Variants in STK24 observed in about 807,000 individuals in gnomAD.
STK24 encodes the protein serine/threonine-protein kinase 24.
In STK24, 21 loss-of-function variants were observed where a neutral mutation model predicts 55.6. The observed-to-expected ratio is 0.38, with a 90% CI of 0.27 to 0.54. The LOEUF is 0.54. Ranked by LOEUF, STK24 falls within the 20% of genes least tolerant of loss-of-function variation. The pLI, the probability that STK24 is intolerant of heterozygous loss-of-function variation, is 0.79. For synonymous variants in STK24, 200 were observed against 215.2 expected, an observed-to-expected ratio of 0.93 and a Z score of 0.62; for missense variants, 383 against 538.4, an observed-to-expected ratio of 0.71 and a Z score of 2.86.
rs1163065270 is a variant in STK24 at position 98,448,752 on chromosome 13, T to C, written c.*4421A>G. 1 of 154,358 alleles carries C rather than the reference T, an allele frequency of 6.5e-6. No individual in the cohort carries two copies. The highest frequency in any genetic ancestry group is 1.4e-5 in the Non-Finnish European group (1 of 71,214). The allele number at this position is 154,358 out of a possible 1,614,324, so 9.6% of individuals were successfully genotyped here. ...GGACTTCCCGGTGTTTGTTTGTTTG[T>C]TTGCAATACACTCAGTGCAGCCTTA... On this transcript the variant is annotated 3_prime_UTR_variant, in exon 11 of 11. Transcript: ENST00000539966.
intron 1 of STK24, among the ~76,000 whole-genome samples, chr13:98,569,799 A>C (rs1897690659): frequency 6.6e-6 from 1 of 151,556 alleles, no homozygotes; most frequent in Non-Finnish European, 1.5e-5. Context: ...AGCGGAAGAG[A>C]AGTAAATCCT....
chr13:98,555,784 C>T (rs1479307893), intron 1 of STK24, among the ~76,000 whole-genome samples: 2 of 148,802 alleles, frequency 1.3e-5, no homozygotes, highest in African/African-American at 2.5e-5. Flanking sequence ...GGGTTCACGC[C>T]ATTCTCCTGC....
chr13:98,482,372 AT>A lies in STK24; in HGVS notation c.274-52del, dbSNP rs371058047. 6,727 of 1,138,730 alleles carry A rather than the reference AT, an allele frequency of 5.9e-3. 280 individuals carry two copies. In the African/African-American group the frequency reaches 0.092, roughly 16 times the overall value. The allele number at this position is 1,138,730 out of a possible 1,614,324, so 70.5% of individuals were successfully genotyped here. On this transcript the variant is annotated intron_variant, in intron 2 of 10. Transcript: ENST00000539966. Reference sequence around the variant, plus strand: ...TCATTTTCAAAATGAATCCAGGAAAATTTTTTTTAATAATCAAAGGGTATTT... The same window carrying A: ...TCATTTTCAAAATGAATCCAGGAAAATTTTTTTAATAATCAAAGGGTATTT...
chr13:98,469,443 G>A (rs1353999083), intron 5 of STK24, among the ~76,000 whole-genome samples: 1 of 152,114 alleles, frequency 6.6e-6, no homozygotes, highest in South Asian at 2.1e-4. Context: ...CAGCTACTTG[G>A]GAGGCTGAGG....
chr13:98,478,494 C>G (rs1484677873), intron 3 of STK24, among the ~76,000 whole-genome samples: 1 of 152,196 alleles, frequency 6.6e-6, no homozygotes, highest in East Asian at 1.9e-4. Flanking sequence ...TGGCTGAAGA[C>G]CAAGGGAAGC....
chr13:98,546,838 TCA>T (rs1897039610), intron 1 of STK24, among the ~76,000 whole-genome samples: 1 of 152,200 alleles, frequency 6.6e-6, no homozygotes, highest in African/African-American at 2.4e-5. Context: ...CTCCAGTTAC[TCA>T]CACCTGAATC....
chr13:98,528,376 G>T (rs761759725), intron 1 of STK24, among the ~76,000 whole-genome samples: 20 of 152,084 alleles, frequency 1.3e-4, no homozygotes, highest in Non-Finnish European at 2.5e-4. Flanking sequence ...CACAAAACAT[G>T]GTCCCCTCAG....
intron 1 of STK24, among the ~76,000 whole-genome samples, chr13:98,544,069 G>C (rs1241612687): frequency 6.6e-6 from 1 of 152,170 alleles, no homozygotes; most frequent in East Asian, 1.9e-4. Context: ...GTGCATTTAC[G>C]TTAGGCTGCT....
At chr13:98,469,029 G>A (rs760978228) in intron 5 of STK24, among the ~76,000 whole-genome samples, 46 of 152,200 alleles carry the variant, frequency 3.0e-4, no homozygotes, top group Admixed American at 7.9e-4. Context: ...AGAGTACGTC[G>A]GTGATGCGCT....
At chr13:98,492,259 G>A (rs1159663167) in intron 2 of STK24, among the ~76,000 whole-genome samples, 1 of 152,096 alleles carries the variant, frequency 6.6e-6, no homozygotes, top group Non-Finnish European at 1.5e-5. Context: ...GGAGGAAGAG[G>A]AGGAGGAAGA....
At chr13:98,511,972 C>T (rs1182189216) in intron 2 of STK24, among the ~76,000 whole-genome samples, 1 of 149,524 alleles carries the variant, frequency 6.7e-6, no homozygotes, top group African/African-American at 2.5e-5. Context: ...GTGATCTCAG[C>T]CTCCCAGGTT....
chr13:98,535,398 T>TACACACAC (rs56768700), intron 1 of STK24, among the ~76,000 whole-genome samples: 10 of 142,728 alleles, frequency 7.0e-5, no homozygotes, highest in African/African-American at 1.9e-4. Context: ...TATGTGTGTA[T>TACACACAC]ACACACACAC....
intron 1 of STK24, among the ~76,000 whole-genome samples, chr13:98,545,733 A>G (rs1897013901): frequency 1.3e-5 from 2 of 152,124 alleles, no homozygotes; most frequent in South Asian, 4.1e-4. Context: ...CAAATCCATT[A>G]CCCTAAATCA....
intron 2 of STK24, among the ~76,000 whole-genome samples, chr13:98,487,734 G>C (rs1213093991): frequency 6.6e-6 from 1 of 152,034 alleles, no homozygotes; most frequent in East Asian, 1.9e-4. Context: ...ATGCCTTATT[G>C]AGCTCACATT....
At chr13:98,560,919 C>T (rs1324941931) in intron 1 of STK24, among the ~76,000 whole-genome samples, 1 of 148,938 alleles carries the variant, frequency 6.7e-6, no homozygotes, top group Admixed American at 6.7e-5. Flanking sequence ...AAAAAAAAAA[C>T]CATAATTCAG....
At chr13:98,550,950 T>TA (rs879333870) in intron 1 of STK24, among the ~76,000 whole-genome samples, 154 of 147,134 alleles carry the variant, frequency 1.0e-3, no homozygotes, top group African/African-American at 3.2e-3. Flanking sequence ...AAGTTCAACT[T>TA]AAAAAAAAAA....
chr13:98,534,657 C>G (rs1395903459), intron 1 of STK24, among the ~76,000 whole-genome samples: 1 of 152,198 alleles, frequency 6.6e-6, no homozygotes, highest in African/African-American at 2.4e-5. Flanking sequence ...ACCCAGTGTT[C>G]TGATGCACCA....
At chr13:98,469,535 C>T (rs964123079) in intron 5 of STK24, among the ~76,000 whole-genome samples, 2 of 86,336 alleles carry the variant, frequency 2.3e-5, no homozygotes, top group Non-Finnish European at 5.0e-5. Context: ...GACCCTGCAT[C>T]CCCCCCCCCA....
intron 8 of STK24, 101 bp from the exon 9 acceptor site, chr13:98,460,541 C>T: frequency 2.1e-6 from 2 of 931,756 alleles, no homozygotes; most frequent in Non-Finnish European, 3.4e-6. Context: ...GCAGGAGTTG[C>T]CTCTACACTT....
Sources: allele counts gnomAD v4.1 joint callset (sites outside exome capture counted in the v4.1 genomes callset), GRCh38; gene constraint gnomAD v4.1.1; transcripts MANE v1.5; gene names NCBI Gene and HGNC (gene_info 2026-07-23, HGNC 2026-07-21).